ZNF75D: variants seen among roughly 807,000 people sequenced by gnomAD.
The protein encoded by ZNF75D is zinc finger protein 75D.
A neutral mutation model predicts 33.3 loss-of-function variants in ZNF75D; 33 were observed. The observed-to-expected ratio is 0.99, with a 90% CI of 0.75 to 1.32. The LOEUF (loss-of-function observed/expected upper bound fraction) is 1.32, where lower values mean the gene tolerates loss of function less well. Among genes scored for constraint, ZNF75D ranks in the 40% most tolerant of loss-of-function variants. The probability of loss-of-function intolerance (pLI) is 0.00; values close to 1 mark genes in which losing one functional copy is unlikely to be tolerated. For synonymous variants in ZNF75D, 113 were observed against 130.6 expected, an observed-to-expected ratio of 0.87 and a Z score of 0.92; for missense variants, 338 against 367.5, an observed-to-expected ratio of 0.92 and a Z score of 0.66.
intron 1 of ZNF75D, among the ~76,000 whole-genome samples, chrX:135,320,461 G>T (rs958762298): frequency 9.0e-5 from 10 of 111,388 alleles, no homozygotes; most frequent in Admixed American, 1.9e-4. Flanking sequence ...TCTCAGAAAT[G>T]TTAAAATGTA....
rs184209679 is a variant in ZNF75D at position 135,316,008 on chromosome X, T to C, written c.-390-19969A>G. Among the ~76,000 whole-genome samples, 6 of 112,330 alleles carry C rather than the reference T, an allele frequency of 5.3e-5. No individual in the cohort carries two copies. In the East Asian group the frequency reaches 1.7e-3, roughly 31 times the overall value. ...TATTTTGTATAATCTCTGTTCCTTT[T>C]TTTCCCTTATCGTTTGTCACTGTGG... On this transcript the variant is annotated intron_variant, in intron 1 of 6. Coordinates refer to ENST00000370766, the MANE Select transcript of ZNF75D (RefSeq NM_007131.5).
chrX:135,322,171 G>A (rs2084504724), intron 1 of ZNF75D, among the ~76,000 whole-genome samples: 1 of 112,265 alleles, frequency 8.9e-6, no homozygotes, highest in South Asian at 3.7e-4. Context: ...ATACCTGTGT[G>A]TCAGTGTACT....
downstream of ZNF75D, among the ~76,000 whole-genome samples, chrX:135,281,356 T>C (rs2083919285): frequency 9.1e-6 from 1 of 110,056 alleles, no homozygotes; most frequent in Non-Finnish European, 1.9e-5. Flanking sequence ...TGTTCTGCTC[T>C]AAACTGATTA....
At chrX:135,312,527 A>G (rs1356013507) in intron 1 of ZNF75D, among the ~76,000 whole-genome samples, 1 of 111,963 alleles carries the variant, frequency 8.9e-6, no homozygotes, top group Non-Finnish European at 1.9e-5. Flanking sequence ...TGGGATTGCC[A>G]GATCATATAG....
chrX:135,330,674 A>C (rs1412266188), intron 1 of ZNF75D: 2 of 112,752 alleles, frequency 1.8e-5, no homozygotes, highest in Non-Finnish European at 3.7e-5. Flanking sequence ...GCCTACACAG[A>C]ATCTTGGAAA....
Position 135,322,523 on chromosome X carries a change from TAGAG to T in ZNF75D, c.-391+19241_-391+19244del, listed in dbSNP as rs782195038. ...CTCTCTTTCTCTCCAAATGTATTTA[TAGAG>T]AGATAGATAGGTAGATAGACAGATA... On this transcript the variant is annotated intron_variant, in intron 1 of 6. Transcript: ENST00000370766. Among the ~76,000 whole-genome samples the T allele has an allele frequency of 1.7e-4, 19 of 112,155 alleles. No individual in the cohort carries two copies. In the East Asian group the frequency reaches 2.2e-3, roughly 13 times the overall value.
At chrX:135,256,104 C>T (rs1197995858) in intron 1 of ZNF75D, among the ~76,000 whole-genome samples, 1 of 21,893 alleles carries the variant, frequency 4.6e-5, no homozygotes, top group African/African-American at 2.0e-4. Context: ...ACCACTCATC[C>T]CATCTCCCTT....
chrX:135,322,294 TTG>T (rs781799463), intron 1 of ZNF75D, among the ~76,000 whole-genome samples: 2 of 112,268 alleles, frequency 1.8e-5, no homozygotes, highest in Non-Finnish European at 3.8e-5. Flanking sequence ...GTTAATATAT[TTG>T]TGTCATTTTA....
chrX:135,309,949 C>A (rs1241862025), intron 1 of ZNF75D, among the ~76,000 whole-genome samples: 2 of 111,663 alleles, frequency 1.8e-5, no homozygotes, highest in African/African-American at 3.3e-5. Flanking sequence ...TCTCCCCCAT[C>A]AATCTGAAAA....
At chrX:135,271,223 C>T (rs1029528384) in intron 1 of ZNF75D, among the ~76,000 whole-genome samples, 6 of 111,713 alleles carry the variant, frequency 5.4e-5, no homozygotes, top group African/African-American at 2.0e-4. Flanking sequence ...CTTCAGTTGC[C>T]ATAAAAAGAG....
At chrX:135,296,753 T>C (rs1170864462) in intron 1 of ZNF75D, among the ~76,000 whole-genome samples, 1 of 112,469 alleles carries the variant, frequency 8.9e-6, no homozygotes, top group Non-Finnish European at 1.9e-5. Flanking sequence ...TTTATACTTC[T>C]CTTTGACATA....
At chrX:135,339,980 G>A (rs1450259542) in intron 1 of ZNF75D, among the ~76,000 whole-genome samples, 1 of 112,760 alleles carries the variant, frequency 8.9e-6, no homozygotes, top group African/African-American at 3.2e-5. Flanking sequence ...GGAAGAATGT[G>A]GAGATGGTCC....
At chrX:135,269,941 A>G (rs1281562329) in intron 1 of ZNF75D, among the ~76,000 whole-genome samples, 2 of 111,617 alleles carry the variant, frequency 1.8e-5, no homozygotes, top group Non-Finnish European at 3.8e-5. Flanking sequence ...TTCATTTGCA[A>G]CAACCTGGAT....
In ZNF75D at chrX:135,342,190, C is replaced by T; in HGVS notation, c.-813G>A. The T allele has an allele frequency of 8.9e-6, 1 of 112,056 alleles. No homozygotes were observed. The highest frequency in any genetic ancestry group is 1.9e-5 in the Non-Finnish European group (1 of 53,205). 9.2% of individuals were successfully genotyped at this position (112,056 alleles called of 1,213,427 possible). ...GTAGCAACTACTCTACACTTCAGGGCTCCTCTAAGTATCCATTGGCTCCAG... is the reference window on the plus strand; with the variant it reads ...GTAGCAACTACTCTACACTTCAGGGTTCCTCTAAGTATCCATTGGCTCCAG... On this transcript the variant is annotated 5_prime_UTR_variant, in exon 1 of 7. Transcript: ENST00000370766.
chrX:135,337,047 C>T (rs2084720915), intron 1 of ZNF75D, among the ~76,000 whole-genome samples: 1 of 111,672 alleles, frequency 9.0e-6, no homozygotes, highest in Non-Finnish European at 1.9e-5. Context: ...CCCCACAGCA[C>T]CTAGAATGAC....
chrX:135,253,651 C>T (rs2083792233), intron 2 of ZNF75D: 1 of 255,622 alleles, frequency 3.9e-6, no homozygotes, highest in African/African-American at 2.9e-5. Flanking sequence ...TTGGGTTACA[C>T]TGGAAGGGGC....
intron 1 of ZNF75D, among the ~76,000 whole-genome samples, chrX:135,303,578 A>G (rs1052438773): frequency 8.9e-6 from 1 of 112,452 alleles, no homozygotes; most frequent in Non-Finnish European, 1.9e-5. Context: ...TTTGGGGGTA[A>G]GGTTACAGAT....
At chrX:135,322,149 C>T (rs902076707) in intron 1 of ZNF75D, among the ~76,000 whole-genome samples, 14 of 111,966 alleles carry the variant, frequency 1.3e-4, no homozygotes, top group Non-Finnish European at 2.3e-4. Flanking sequence ...TCAGCTGGAC[C>T]GGCAAAGCAG....
chrX:135,332,495 T>C (rs2084662916), intron 1 of ZNF75D, among the ~76,000 whole-genome samples: 2 of 111,218 alleles, frequency 1.8e-5, no homozygotes, highest in Non-Finnish European at 3.8e-5. Flanking sequence ...GGAAGCACTG[T>C]TATATAAACC....
Sources: gnomAD v4.1 joint callset for allele counts (sites outside exome capture counted in the v4.1 genomes callset) on GRCh38, gnomAD v4.1.1 for gene constraint, MANE v1.5 for transcripts, NCBI Gene and HGNC (gene_info 2026-07-23, HGNC 2026-07-21) for gene names.